CLN6: variants seen among roughly 807,000 people sequenced by gnomAD.
CLN6 encodes the protein ceroid-lipofuscinosis neuronal protein 6.
CLN6 carries 22 observed loss-of-function variants against 33.3 expected under a neutral mutation model. That is an observed-to-expected ratio of 0.66 (90% confidence interval 0.47 to 0.94). The LOEUF (loss-of-function observed/expected upper bound fraction) is 0.94, where lower values mean the gene tolerates loss of function less well. CLN6 is among the 40% of genes least tolerant of loss of function. The pLI is 0.00. For missense variants in CLN6, 387 were observed against 417.1 expected, an observed-to-expected ratio of 0.93 and a Z score of 0.63; for synonymous variants, 201 against 174.6, an observed-to-expected ratio of 1.15 and a Z score of -1.19.
chr15:68,215,538 T>C (rs1400398182), intron 2 of CLN6: 3 of 152,168 alleles, frequency 2.0e-5, no homozygotes, highest in South Asian at 2.1e-4. Flanking sequence ...GGTCTCCTTA[T>C]GTTGACCAGG....
At chr15:68,254,710 G>A (rs1170355516) in intron 1 of CLN6, 11 of 748,312 alleles carry the variant, frequency 1.5e-5, no homozygotes, top group Non-Finnish European at 2.5e-5. Context: ...GAAGATCCAC[G>A]AGGTTTTCTG....
In CLN6 at chr15:68,208,524, G is replaced by A; in HGVS notation, c.666-114C>T. On this transcript the variant is annotated intron_variant, in intron 6 of 6. Transcript: ENST00000249806. The surrounding 1 kb of genome is among the most constrained non-coding windows in gnomAD (Gnocchi z 5.8). ...TCCAGGCAGGCAGAAGAGTCCTCTG[G>A]TGCCAGGGCTCAGAGAACTATGCCG... The A allele has an allele frequency of 8.8e-7, 1 of 1,138,426 alleles. No homozygotes were observed. The highest frequency in any genetic ancestry group is 1.3e-6 in the Non-Finnish European group (1 of 774,892). 70.5% of individuals were successfully genotyped at this position (1,138,426 alleles called of 1,614,324 possible).
chr15:68,210,156 C>T lies in CLN6; in HGVS notation c.543-397G>A, dbSNP rs1485647800. ...GTCCACATGTTAAAAAAGAGAACAG[C>T]ACCTGCAGGGGCCTCTTGGTGAAGC... On this transcript the variant is annotated intron_variant, in intron 5 of 6. Coordinates refer to ENST00000249806, the MANE Select transcript of CLN6 (RefSeq NM_017882.3). The surrounding 1 kb of genome is among the most constrained non-coding windows in gnomAD (Gnocchi z 5.6). 6.6e-6 allele frequency among the ~76,000 whole-genome samples: 1 copy of T among 152,100 alleles called. No individual in the cohort carries two copies. Among genetic ancestry groups the T allele is most frequent in the Non-Finnish European group, 1.5e-5 (1 of 68,010 alleles).
In CLN6 at chr15:68,211,316, G is replaced by A. The variant is rs748682605; in HGVS notation, c.489C>T (p.Ile163=). The change falls in exon 5 of 7, where the codon ATC becomes ATT. Residue 163 remains isoleucine (I), a splice_region_variant and synonymous_variant. Transcript: ENST00000249806. This position sits in a 1 kb window ranked among gnomAD's most constrained non-coding sequence, Gnocchi z 5.9. ...IIKNLKPETL[I]DSFELLYYYD... is the part of the protein sequence containing the mutation. ...AATAGTAGAGCAGCTCAAAGGAGTC[G>A]ATCTGAGGGAGGAACGGGCAGGGCA... The A allele has an allele frequency of 1.2e-5, 19 of 1,613,830 alleles. No individual in the cohort carries two copies. In the East Asian group the frequency reaches 2.9e-4, roughly 25 times the overall value.
Position 68,237,127 on chromosome 15 carries a change from G to A in CLN6, c.180-18477C>T, listed in dbSNP as rs547177617. The stretch of plus-strand genomic sequence containing the variant: ...AGCCGAGATTGCGCCACTGCAGTCC[G>A]CAATCCGGCCTGGGCGACAGAGCGA... On this transcript the variant is annotated intron_variant, in intron 1 of 6. Transcript: ENST00000538696. Among the ~76,000 whole-genome samples, 91 of 122,570 alleles carry A rather than the reference G, an allele frequency of 7.4e-4. 1 individual carries two copies. The highest frequency in any genetic ancestry group is 5.6e-4 in the South Asian group (2 of 3,600). The allele number at this position is 122,570 out of a possible 152,430, so 80.4% of individuals were successfully genotyped here.
At chr15:68,235,161 C>A (rs1004851392) in intron 1 of CLN6, among the ~76,000 whole-genome samples, 4 of 152,160 alleles carry the variant, frequency 2.6e-5, no homozygotes, top group East Asian at 1.9e-4. Flanking sequence ...ATAGCGCTAA[C>A]CTTGGCTCCT....
chr15:68,240,209 T>C (rs6494723), intron 1 of CLN6, among the ~76,000 whole-genome samples: 152,301 of 152,320 alleles, frequency 1, 76,141 homozygotes, highest in Non-Finnish European at 1. Flanking sequence ...AAACTCCCAA[T>C]AGAATAAACC....
In CLN6 at chr15:68,211,051, G is replaced by A. The variant is rs111504155; in HGVS notation, c.542+212C>T. ...GCTGGGGGGATGCTGGCTGGAAGCC[G>A]GGGCCTGGAGCCTGGGACAGCAGCT... is the stretch of plus-strand genomic sequence containing the variant. On this transcript the variant is annotated intron_variant, in intron 5 of 6. Transcript: ENST00000249806. This position sits in a 1 kb window ranked among gnomAD's most constrained non-coding sequence, Gnocchi z 5.9. Among the ~76,000 whole-genome samples, 1,352 of 152,312 alleles carry A rather than the reference G, an allele frequency of 8.9e-3. 12 individuals are homozygous for A. Among genetic ancestry groups the A allele is most frequent in the South Asian group, 0.031 (152 of 4,832 alleles).
At chr15:68,222,688 G>C (rs1366037034) in intron 1 of CLN6, among the ~76,000 whole-genome samples, 1 of 152,216 alleles carries the variant, frequency 6.6e-6, no homozygotes. Flanking sequence ...AAAAGAAAAG[G>C]GGGAAATGTG....
In CLN6 at chr15:68,208,787, C is replaced by A. The variant is rs552446123; in HGVS notation, c.666-377G>T. On this transcript the variant is annotated intron_variant, in intron 6 of 6. Transcript: ENST00000249806. This position sits in a 1 kb window ranked among gnomAD's most constrained non-coding sequence, Gnocchi z 5.8. ...CGCGGCAGGATGCCGGGGTAAGAAC[C>A]AGCAGGAAGCGCTCCCCTAACGTCT... Among the ~76,000 whole-genome samples, 2 of 152,338 alleles carry A rather than the reference C, an allele frequency of 1.3e-5. No individual in the cohort carries two copies. The highest frequency in any genetic ancestry group is 3.9e-4 in the East Asian group (2 of 5,182).
At chr15:68,216,809 C>T (rs570241929) in intron 2 of CLN6, among the ~76,000 whole-genome samples, 5 of 152,296 alleles carry the variant, frequency 3.3e-5, no homozygotes, top group East Asian at 1.9e-4. Flanking sequence ...TATATCCCTA[C>T]GGGCAGATTC....
At chr15:68,222,943 T>C (rs1398561086) in intron 1 of CLN6, among the ~76,000 whole-genome samples, 4 of 151,632 alleles carry the variant, frequency 2.6e-5, no homozygotes, top group African/African-American at 9.7e-5. Context: ...TCGTTAAGAG[T>C]CATCACCACT....
rs529827357 is a variant in CLN6, at chr15:68,241,937, A to G, written c.179+14753T>C. On this transcript the variant is annotated intron_variant, in intron 1 of 6. Coordinates refer to the CLN6 transcript ENST00000538696. The surrounding 1 kb of genome is among the most constrained non-coding windows in gnomAD (Gnocchi z 4.2). ...AATAAGAAATTCAGCAGTATATTAC[A>G]AAGACTCTATAAGCAAACATACCCA... is the stretch of plus-strand genomic sequence containing the variant. 1.3e-5 allele frequency among the ~76,000 whole-genome samples: 2 copies of G among 152,216 alleles called. No individual in the cohort carries two copies. The highest frequency in any genetic ancestry group is 2.9e-5 in the Non-Finnish European group (2 of 68,038).
intron 1 of CLN6, among the ~76,000 whole-genome samples, chr15:68,221,166 T>TAAGAA (rs1239430140): frequency 6.6e-6 from 1 of 152,090 alleles, no homozygotes; most frequent in African/African-American, 2.4e-5. Context: ...CTTGCTATTC[T>TAAGAA]GTTTTTGATT....
At chr15:68,216,999 A>G (rs2093222243) in intron 2 of CLN6, among the ~76,000 whole-genome samples, 1 of 152,240 alleles carries the variant, frequency 6.6e-6, no homozygotes. Context: ...TTCCTCATCT[A>G]TAACATTGAG....
chr15:68,255,027 C>T, intron 1 of CLN6: 2 of 663,304 alleles, frequency 3.0e-6, no homozygotes, highest in Non-Finnish European at 5.5e-6. Flanking sequence ...ATGTTGTTAG[C>T]ACACAGAACA....
chr15:68,252,327 T>C (rs1892389704), intron 1 of CLN6, among the ~76,000 whole-genome samples: 1 of 152,008 alleles, frequency 6.6e-6, no homozygotes, highest in African/African-American at 2.4e-5. Context: ...ATGAGCAAAA[T>C]ACATGAATAG....
chr15:68,226,067 C>A (rs2093250799), intron 1 of CLN6, among the ~76,000 whole-genome samples: 1 of 151,984 alleles, frequency 6.6e-6, no homozygotes. Context: ...GGCCTGTAAT[C>A]CCAGCACTTT....
At chr15:68,240,268 G>C in intron 1 of CLN6, among the ~76,000 whole-genome samples, 1 of 152,142 alleles carries the variant, frequency 6.6e-6, no homozygotes, top group East Asian at 1.9e-4. Flanking sequence ...AAAAATTAAT[G>C]AAGCAGAAAA....
Sources: allele counts gnomAD v4.1 joint callset (sites outside exome capture counted in the v4.1 genomes callset), GRCh38; gene constraint gnomAD v4.1.1; non-coding constraint Gnocchi (gnomAD v3.1); transcripts MANE v1.5; gene names NCBI Gene and HGNC (gene_info 2026-07-23, HGNC 2026-07-21).